The following CAMK1D variants were observed in gnomAD, a reference collection of about 807,000 sequenced individuals.
The protein encoded by CAMK1D is calcium/calmodulin dependent protein kinase ID.
A neutral mutation model predicts 47.7 loss-of-function variants in CAMK1D; 9 were observed. The observed-to-expected ratio is 0.19, with a 90% CI of 0.11 to 0.33. The LOEUF is 0.33. Ranked by LOEUF, CAMK1D falls within the 10% of genes least tolerant of loss-of-function variation. The probability of loss-of-function intolerance (pLI) is 1.00; values close to 1 mark genes in which losing one functional copy is unlikely to be tolerated. For synonymous variants in CAMK1D, 184 were observed against 184.9 expected (o/e 0.99, Z 0.04); for missense variants, 291 against 488.7 (o/e 0.60, Z 3.81).
chr10:12,752,488 G>C (rs1250998493), intron 3 of CAMK1D, among the ~76,000 whole-genome samples: 6 of 151,806 alleles, frequency 4.0e-5, no homozygotes, highest in Admixed American at 6.6e-5. Flanking sequence ...ACCTAATGGG[G>C]ACAAGGCACA....
chr10:12,606,681 C>T (rs1056117915), intron 2 of CAMK1D, among the ~76,000 whole-genome samples: 2 of 152,196 alleles, frequency 1.3e-5, no homozygotes, highest in African/African-American at 2.4e-5. Context: ...TGTGGCGTCT[C>T]GGGCACCACG....
At position 12,734,624 on chromosome 10, in the gene CAMK1D, T is replaced by G. The variant is rs1835097562; in HGVS notation, c.300-26324T>G. On this transcript the variant is annotated intron_variant, in intron 3 of 10. Coordinates refer to ENST00000619168, the MANE Select transcript of CAMK1D (RefSeq NM_153498.4). The stretch of plus-strand genomic sequence containing the variant: ...TGACTTGGCTGTATCCCTCTTTGAC[T>G]CTGATACTAGAAAAATCCCAGAGCT... Among the ~76,000 whole-genome samples the G allele has an allele frequency of 4.6e-5, 7 of 151,442 alleles. No individual in the cohort carries two copies. In the South Asian group the frequency reaches 1.5e-3, roughly 32 times the overall value.
At chr10:12,601,831 T>A (rs962801011) in intron 2 of CAMK1D, among the ~76,000 whole-genome samples, 1 of 152,214 alleles carries the variant, frequency 6.6e-6, no homozygotes, top group East Asian at 1.9e-4. Context: ...TCTTCTCCCC[T>A]GCAGAATCGT....
At chr10:12,690,529 A>T (rs1295308806) in intron 3 of CAMK1D, among the ~76,000 whole-genome samples, 1 of 152,132 alleles carries the variant, frequency 6.6e-6, no homozygotes, top group African/African-American at 2.4e-5. Context: ...AGATAAACAT[A>T]TATGTAACAC....
intron 1 of CAMK1D, among the ~76,000 whole-genome samples, chr10:12,550,512 C>G (rs74116977): frequency 0.015 from 2,305 of 152,282 alleles, 62 homozygotes; most frequent in African/African-American, 0.052. Context: ...GGGGCCGTCT[C>G]TGGAATTGTT....
At chr10:12,489,450 C>T (rs1015516124) in intron 1 of CAMK1D, among the ~76,000 whole-genome samples, 25 of 152,112 alleles carry the variant, frequency 1.6e-4, no homozygotes, top group Non-Finnish European at 2.5e-4. Flanking sequence ...AAAAGTGTCC[C>T]TTGGATTTAG....
At chr10:12,627,546 C>T (rs1177921530) in intron 2 of CAMK1D, among the ~76,000 whole-genome samples, 1 of 152,132 alleles carries the variant, frequency 6.6e-6, no homozygotes, top group Admixed American at 6.5e-5. Context: ...TTAGTTAATT[C>T]TTTCTACCCA....
chr10:12,472,840 T>C (rs575122951), intron 1 of CAMK1D, among the ~76,000 whole-genome samples: 3 of 152,214 alleles, frequency 2.0e-5, no homozygotes, highest in East Asian at 1.9e-4. Context: ...TCGGCTGTTA[T>C]TGATCATTTT....
chr10:12,734,265 T>C (rs1835026395), intron 3 of CAMK1D, among the ~76,000 whole-genome samples: 1 of 136,364 alleles, frequency 7.3e-6, no homozygotes, highest in African/African-American at 2.8e-5. Context: ...GAGGTTGCAG[T>C]GAGGCCGAGA....
chr10:12,627,050 A>G (rs11257922), intron 2 of CAMK1D, among the ~76,000 whole-genome samples: 66,727 of 150,390 alleles, frequency 0.44, 17,095 homozygotes, highest in East Asian at 0.58. Context: ...ACCTTTGTAA[A>G]CATTGTAATG....
intron 5 of CAMK1D, among the ~76,000 whole-genome samples, chr10:12,772,119 G>A (rs1042457574): frequency 1.3e-5 from 2 of 152,126 alleles, no homozygotes; most frequent in African/African-American, 4.8e-5. Flanking sequence ...GCGTGATAAC[G>A]GTTGCAGGAA....
intron 1 of CAMK1D, among the ~76,000 whole-genome samples, chr10:12,404,336 C>T (rs893349556): frequency 3.9e-5 from 6 of 152,196 alleles, no homozygotes; most frequent in African/African-American, 9.6e-5. Context: ...TGAGCCCCTG[C>T]GCCCGGCCTT....
At chr10:12,633,415 TG>T (rs1839432381) in intron 2 of CAMK1D, among the ~76,000 whole-genome samples, 1 of 152,174 alleles carries the variant, frequency 6.6e-6, no homozygotes, top group African/African-American at 2.4e-5. Flanking sequence ...AAGATTGACC[TG>T]GAGAAGGTCA....
intron 1 of CAMK1D, among the ~76,000 whole-genome samples, chr10:12,365,136 A>G (rs1837793232): frequency 1.3e-5 from 2 of 151,526 alleles, no homozygotes; most frequent in South Asian, 4.2e-4. Flanking sequence ...TTGTATGTTC[A>G]ATAGAGACAG....
chr10:12,519,970 C>A, intron 1 of CAMK1D, among the ~76,000 whole-genome samples: 1 of 52,640 alleles, frequency 1.9e-5, no homozygotes, highest in East Asian at 6.3e-4. Context: ...CTGGACGGGG[C>A]AACTGGCCGG....
intron 3 of CAMK1D, among the ~76,000 whole-genome samples, chr10:12,688,670 C>T (rs974415175): frequency 2.0e-5 from 3 of 151,950 alleles, no homozygotes; most frequent in Admixed American, 1.3e-4. Flanking sequence ...AAATGAGTTA[C>T]ATTCTTTTAT....
At chr10:12,755,320 T>C (rs943458673) in intron 3 of CAMK1D, among the ~76,000 whole-genome samples, 1 of 152,146 alleles carries the variant, frequency 6.6e-6, no homozygotes, top group East Asian at 1.9e-4. Context: ...GATGGACAGC[T>C]GCGTTTTGTG....
In CAMK1D at chr10:12,651,331, G is replaced by A. The variant is rs543252273; in HGVS notation, c.225-15405G>A. Among the ~76,000 whole-genome samples the A allele has an allele frequency of 9.9e-5, 15 of 152,272 alleles. No individual in the cohort carries two copies. In the South Asian group the frequency reaches 3.1e-3, roughly 32 times the overall value. On this transcript the variant is annotated intron_variant, in intron 2 of 10. Coordinates refer to ENST00000619168, the MANE Select transcript of CAMK1D (RefSeq NM_153498.4). ...TACATACAGACAGGTGTGTGTATGC[G>A]CACATCTCCGCCTTTGGCCCACTGT...
chr10:12,545,576 C>T lies in CAMK1D; in HGVS notation c.93-7649C>T, dbSNP rs892241161. The stretch of plus-strand genomic sequence containing the variant: ...TAGCACTTTGGGAGGTTGAGGTGGG[C>T]GGATCACGAGGTCAGGAGATCGAGA... On this transcript the variant is annotated intron_variant, in intron 1 of 10. Transcript: ENST00000619168. 1.1e-4 allele frequency among the ~76,000 whole-genome samples: 17 copies of T among 150,670 alleles called. No homozygotes were observed. The East Asian group carries it at 1.2e-3, about 10-fold the overall frequency.
Sources: gnomAD v4.1 joint callset for allele counts (sites outside exome capture counted in the v4.1 genomes callset) on GRCh38, gnomAD v4.1.1 for gene constraint, MANE v1.5 for transcripts, NCBI Gene and HGNC (gene_info 2026-07-23, HGNC 2026-07-21) for gene names.